SLC16A12: variants seen among roughly 807,000 people sequenced by gnomAD.
SLC16A12 encodes the protein monocarboxylate transporter 12.
SLC16A12 carries 17 observed loss-of-function variants against 42.4 expected under a neutral mutation model. The observed-to-expected ratio is 0.40, with a 90% confidence interval of 0.27 to 0.60. SLC16A12 has a LOEUF of 0.60. Ranked by LOEUF, SLC16A12 falls within the 20% of genes least tolerant of loss-of-function variation. The pLI is 0.42. For synonymous variants in SLC16A12, 224 were observed against 229.4 expected (o/e 0.98, Z 0.21); for missense variants, 544 against 623.0 (o/e 0.87, Z 1.35).
chr10:89,441,316 G>T, intron 4 of SLC16A12, 65 bp from the exon 5 acceptor site: 1 of 1,600,994 alleles, frequency 6.2e-7, no homozygotes, highest in Non-Finnish European at 8.5e-7. Context: ...AGGCTGTGAT[G>T]TGGCATTGAC....
At chr10:89,441,068 A>C (rs370935738) in intron 5 of SLC16A12, 40 bp downstream of exon 5, 2 of 1,611,108 alleles carry the variant, frequency 1.2e-6, no homozygotes, top group Non-Finnish European at 1.7e-6. Context: ...GAAACCCCTG[A>C]ATGGAGTGGG....
Position 89,462,496 on chromosome 10 carries a change from C to G in SLC16A12, c.83G>C (p.Arg28Thr). 6.2e-7 allele frequency: 1 copy of G among 1,613,898 alleles called. No homozygotes were observed. The highest frequency in any genetic ancestry group is 8.5e-7 in the Non-Finnish European group (1 of 1,179,928). The change falls in exon 3 of 8, where the codon AGA becomes ACA. Residue 28 changes from arginine to threonine, a missense_variant. By Grantham distance (71) the Arg-to-Thr change is moderately conservative. Coordinates refer to ENST00000371790, the MANE Select transcript of SLC16A12 (RefSeq NM_213606.4). ...TCTATTTACTTTTGCCATGGTTTTT[C>G]TTTTTTCTTCTTTTCCAGGTTGCTC... ...LLEQPGKEEK[R>T]KTMAKVNRAR... is the part of the protein sequence containing the mutation.
intron 2 of SLC16A12, among the ~76,000 whole-genome samples, chr10:89,473,658 C>T (rs1252821111): frequency 1.3e-5 from 2 of 152,086 alleles, no homozygotes; most frequent in African/African-American, 2.4e-5. Flanking sequence ...TTCAACCCTA[C>T]CGCAACTCAC....
intron 2 of SLC16A12, among the ~76,000 whole-genome samples, chr10:89,554,109 A>AAGGGAGGG (rs1843792637): frequency 2.1e-5 from 3 of 145,432 alleles, no homozygotes; most frequent in African/African-American, 7.7e-5. Context: ...AGAAGGAAGG[A>AAGGGAGGG]AGGAAGGAAG....
chr10:89,477,797 A>C (rs1842603387), intron 2 of SLC16A12, among the ~76,000 whole-genome samples: 1 of 152,158 alleles, frequency 6.6e-6, no homozygotes, highest in South Asian at 2.1e-4. Flanking sequence ...TTATATGTAC[A>C]TATGGATTTA....
At chr10:89,543,577 C>A (rs1843727885) in intron 2 of SLC16A12, among the ~76,000 whole-genome samples, 1 of 152,086 alleles carries the variant, frequency 6.6e-6, no homozygotes, top group Non-Finnish European at 1.5e-5. Flanking sequence ...ACCTGTAAAC[C>A]CAGCACTTTG....
intron 2 of SLC16A12, among the ~76,000 whole-genome samples, chr10:89,477,297 G>A (rs1219082627): frequency 6.6e-6 from 1 of 152,158 alleles, no homozygotes; most frequent in African/African-American, 2.4e-5. Flanking sequence ...AGGCGCAGTG[G>A]CTCACGCCTG....
At chr10:89,470,186 T>G (rs1052844886) in intron 2 of SLC16A12, among the ~76,000 whole-genome samples, 2 of 152,160 alleles carry the variant, frequency 1.3e-5, no homozygotes, top group Admixed American at 1.3e-4. Context: ...GATTGTGTTA[T>G]AGGGGACATT....
intron 2 of SLC16A12, among the ~76,000 whole-genome samples, chr10:89,471,440 C>A (rs1204401225): frequency 6.6e-6 from 1 of 152,192 alleles, no homozygotes; most frequent in Non-Finnish European, 1.5e-5. Context: ...GTTTTGAAAT[C>A]ATTCAGTTTG....
At chr10:89,539,105 C>CT (rs1400332851), upstream of SLC16A12, among the ~76,000 whole-genome samples, 12 of 152,206 alleles carry the variant, frequency 7.9e-5, no homozygotes. Flanking sequence ...CCCCATCTCT[C>CT]TACCCTACTG....
intron 2 of SLC16A12, among the ~76,000 whole-genome samples, chr10:89,519,340 C>A (rs1362903413): frequency 6.6e-6 from 1 of 152,000 alleles, no homozygotes; most frequent in Admixed American, 6.6e-5. Context: ...ACGGAACAAA[C>A]CTGCACATGT....
Position 89,441,197 on chromosome 10 carries a change from A to G in SLC16A12, c.359T>C (p.Leu120Pro), listed in dbSNP as rs766087399. The change falls in exon 5 of 8, where the codon CTG becomes CCG. Residue 120 changes from leucine to proline, a missense_variant. Transcript: ENST00000371790. The stretch of plus-strand genomic sequence containing the variant: ...TCCAGTAGATGCAAGCAAGCCACCC[A>G]GCATGATTCCCACTTGACAGGATAA... ...NHLSCQVGIM[L>P]GGLLASTGLI... The G allele has an allele frequency of 6.2e-7, 1 of 1,614,056 alleles. No individual in the cohort carries two copies. Among genetic ancestry groups the G allele is most frequent in the Non-Finnish European group, 8.5e-7 (1 of 1,179,938 alleles).
intron 2 of SLC16A12, among the ~76,000 whole-genome samples, chr10:89,497,483 TG>T (rs1247789537): frequency 6.6e-6 from 1 of 152,014 alleles, no homozygotes; most frequent in African/African-American, 2.4e-5. Context: ...TCTTTTCAAA[TG>T]AAAAATAAAA....
intron 2 of SLC16A12, among the ~76,000 whole-genome samples, chr10:89,527,657 T>G (rs1262766101): frequency 6.6e-6 from 1 of 150,490 alleles, no homozygotes; most frequent in East Asian, 2.0e-4. Flanking sequence ...AAAAAAATTA[T>G]TTATCTGGGC....
intron 3 of SLC16A12, among the ~76,000 whole-genome samples, chr10:89,458,007 G>T (rs1256949495): frequency 6.6e-6 from 1 of 152,142 alleles, no homozygotes; most frequent in Non-Finnish European, 1.5e-5. Context: ...AGCATGTGTG[G>T]ATGTCCTGGG....
chr10:89,514,942 A>G (rs1449658648), intron 2 of SLC16A12, among the ~76,000 whole-genome samples: 7 of 152,106 alleles, frequency 4.6e-5, no homozygotes, highest in Non-Finnish European at 1.0e-4. Context: ...AATACAAAAA[A>G]TTAGCCAGTC....
intron 2 of SLC16A12, among the ~76,000 whole-genome samples, chr10:89,549,642 A>T (rs1227867983): frequency 1.3e-5 from 2 of 152,162 alleles, no homozygotes; most frequent in Non-Finnish European, 2.9e-5. Flanking sequence ...TCTGTCAGCT[A>T]ACTGCTTGCC....
chr10:89,465,417 T>C (rs1243592113), intron 2 of SLC16A12, among the ~76,000 whole-genome samples: 2 of 152,236 alleles, frequency 1.3e-5, no homozygotes, highest in African/African-American at 4.8e-5. Flanking sequence ...AATGGTACCA[T>C]TGGTATTTCC....
At chr10:89,491,147 A>C (rs1452967956) in intron 2 of SLC16A12, among the ~76,000 whole-genome samples, 1 of 152,228 alleles carries the variant, frequency 6.6e-6, no homozygotes, top group Non-Finnish European at 1.5e-5. Context: ...AAGATGCGTC[A>C]GTTTCTCATG....
Sources: gnomAD v4.1 joint callset for allele counts (sites outside exome capture counted in the v4.1 genomes callset) on GRCh38, gnomAD v4.1.1 for gene constraint, MANE v1.5 for transcripts, NCBI Gene and HGNC (gene_info 2026-07-23, HGNC 2026-07-21) for gene names.